The following MGRN1 variants were observed in gnomAD, a reference collection of about 807,000 sequenced individuals.
MGRN1 encodes mahogunin ring finger 1, also known as E3 ubiquitin-protein ligase MGRN1.
MGRN1 carries 29 observed loss-of-function variants against 69.2 expected under a neutral mutation model. That is an observed-to-expected ratio of 0.42 (90% CI 0.31 to 0.57). MGRN1 has a LOEUF of 0.57. MGRN1 is among the 20% of genes least tolerant of loss of function. The pLI is 0.15. For synonymous variants in MGRN1, 470 were observed against 344.2 expected (o/e 1.37, Z -4.04); for missense variants, 998 against 796.2 (o/e 1.25, Z -3.05).
At chr16:4,653,046 G>A (rs2078444509) in intron 4 of MGRN1, among the ~76,000 whole-genome samples, 1 of 152,198 alleles carries the variant, frequency 6.6e-6, no homozygotes, top group African/African-American at 2.4e-5. Context: ...TTCCAACGCT[G>A]CCTGGAGGTC....
At chr16:4,635,935 C>A (rs997255511) in intron 1 of MGRN1, among the ~76,000 whole-genome samples, 4 of 150,992 alleles carry the variant, frequency 2.6e-5, no homozygotes, top group African/African-American at 9.8e-5. Flanking sequence ...ATGTGACTAC[C>A]GTGCCCGGCC....
chr16:4,647,668 A>G (rs1178599668), intron 1 of MGRN1, among the ~76,000 whole-genome samples: 2 of 152,220 alleles, frequency 1.3e-5, no homozygotes, highest in African/African-American at 2.4e-5. Context: ...TTAACCTGCA[A>G]ATACTCTGTG....
At chr16:4,665,048 G>A in intron 6 of MGRN1, 54 bp from the exon 7 acceptor site, 1 of 1,604,252 alleles carries the variant, frequency 6.2e-7, no homozygotes, top group Non-Finnish European at 8.5e-7. Flanking sequence ...GAGGTGAGAT[G>A]CCTGGGTGGG....
intron 1 of MGRN1, chr16:4,633,720 T>C (rs56096737): frequency 6.6e-6 from 1 of 151,150 alleles, no homozygotes; most frequent in Non-Finnish European, 1.5e-5. Flanking sequence ...TAAAAAAAAT[T>C]ATTATTATTA....
intron 1 of MGRN1, among the ~76,000 whole-genome samples, chr16:4,643,122 A>C (rs1330935526): frequency 1.3e-5 from 2 of 151,528 alleles, no homozygotes; most frequent in Admixed American, 6.6e-5. Context: ...TGCCTGGCTA[A>C]TTTTTGTATT....
intron 1 of MGRN1, among the ~76,000 whole-genome samples, chr16:4,628,363 C>T (rs1195569451): frequency 2.5e-5 from 3 of 122,274 alleles, no homozygotes; most frequent in African/African-American, 6.4e-5. Flanking sequence ...TCCAGCTGGG[C>T]GATAGAGTGT....
At chr16:4,644,236 C>T (rs982173989) in intron 1 of MGRN1, among the ~76,000 whole-genome samples, 5 of 151,902 alleles carry the variant, frequency 3.3e-5, no homozygotes, top group African/African-American at 1.2e-4. Context: ...AAGTGATCCA[C>T]CCCCCTCAGC....
At position 4,652,956 on chromosome 16, in the gene MGRN1, A is replaced by G. The variant is rs965183946; in HGVS notation, c.443+132A>G. 2.5e-6 allele frequency: 3 copies of G among 1,205,010 alleles called. No homozygotes were observed. In the African/African-American group the frequency reaches 4.7e-5, roughly 19 times the overall value. The allele number at this position is 1,205,010 out of a possible 1,614,324, so 74.6% of individuals were successfully genotyped here. ...TTGACCATACTCCCAGGACTTTACC[A>G]CGATGTGAGGGGTTTCTCCCACCCC... On this transcript the variant is annotated intron_variant, in intron 4 of 16. Transcript: ENST00000262370.
chr16:4,652,553 T>TC (rs1228620055), intron 3 of MGRN1, 125 bp from the exon 4 acceptor site: 2 of 1,253,560 alleles, frequency 1.6e-6, no homozygotes, highest in African/African-American at 3.1e-5. Context: ...AGCCCCTATG[T>TC]CTACTGGAGA....
Position 4,681,633 on chromosome 16 carries a change from C to A in MGRN1, c.1215C>A (p.Ile405=). Residue 405 remains isoleucine, a synonymous_variant, in exon 13 of 17, where the codon ATC becomes ATA. Coordinates refer to ENST00000262370, the MANE Select transcript of MGRN1 (RefSeq NM_015246.4). ...LNGLRAVSPA[I]PSAPLYEEIT... is the part of the protein sequence containing the mutation. The stretch of plus-strand genomic sequence containing the variant: ...GCCTCCGGGCTGTCTCCCCGGCCAT[C>A]CCCTCGGCCCCTCTTTATGAAGAAA... The A allele has an allele frequency of 6.2e-7, 1 of 1,613,530 alleles. No individual in the cohort carries two copies. The highest frequency in any genetic ancestry group is 2.2e-5 in the East Asian group (1 of 44,884).
At chr16:4,643,431 CAG>C (rs901925422) in intron 1 of MGRN1, among the ~76,000 whole-genome samples, 8 of 136,110 alleles carry the variant, frequency 5.9e-5, no homozygotes, top group Admixed American at 2.4e-4. Flanking sequence ...TTTTCTGAGA[CAG>C]AGTCTCCCTC....
At chr16:4,627,018 G>C (rs547876145) in intron 1 of MGRN1, among the ~76,000 whole-genome samples, 1 of 152,074 alleles carries the variant, frequency 6.6e-6, no homozygotes, top group Non-Finnish European at 1.5e-5. Flanking sequence ...TCTGGTCCTT[G>C]CCTTTGTGCC....
intron 10 of MGRN1, 82 bp from the exon 11 acceptor site, chr16:4,677,381 G>T (rs1210859389): frequency 2.8e-6 from 3 of 1,059,914 alleles, no homozygotes; most frequent in Admixed American, 2.9e-5. Flanking sequence ...TGTGGGGGGG[G>T]TGTTGATCCC....
intron 10 of MGRN1, among the ~76,000 whole-genome samples, chr16:4,676,738 G>A (rs576972672): frequency 7.9e-4 from 121 of 152,288 alleles, no homozygotes; most frequent in Non-Finnish European, 1.3e-3. Context: ...GCAGCCTGTG[G>A]GGCCCTTGTG....
At chr16:4,653,633 C>G (rs911358998) in intron 4 of MGRN1, among the ~76,000 whole-genome samples, 3 of 151,922 alleles carry the variant, frequency 2.0e-5, no homozygotes, top group African/African-American at 7.3e-5. Context: ...GGACTACAGG[C>G]ACGTGCCACC....
intron 8 of MGRN1, among the ~76,000 whole-genome samples, chr16:4,670,833 C>T (rs1389519039): frequency 6.6e-6 from 1 of 152,244 alleles, no homozygotes; most frequent in Non-Finnish European, 1.5e-5. Flanking sequence ...CCTGGGCTCC[C>T]TGGAGTGGTG....
intron 12 of MGRN1, 59 bp from the exon 13 acceptor site, chr16:4,681,491 G>A: frequency 6.7e-7 from 1 of 1,499,140 alleles, no homozygotes; most frequent in South Asian, 1.2e-5. Context: ...ATCAGGAGGA[G>A]CGTCTGGGGA....
chr16:4,670,048 A>ATTTAAT (rs890605364), intron 8 of MGRN1, among the ~76,000 whole-genome samples: 2 of 151,974 alleles, frequency 1.3e-5, no homozygotes, highest in Non-Finnish European at 2.9e-5. Flanking sequence ...TAAATATTTA[A>ATTTAAT]TTTAATTTTA....
At chr16:4,652,637 G>A in intron 3 of MGRN1, 41 bp from the exon 4 acceptor site, 1 of 1,576,470 alleles carries the variant, frequency 6.3e-7, no homozygotes, top group Non-Finnish European at 8.6e-7. Flanking sequence ...CCGCAGATGG[G>A]GCCGCTGACC....
Sources: gnomAD v4.1 joint callset for allele counts (sites outside exome capture counted in the v4.1 genomes callset) on GRCh38, gnomAD v4.1.1 for gene constraint, MANE v1.5 for transcripts, NCBI Gene and HGNC (gene_info 2026-07-23, HGNC 2026-07-21) for gene names.